Variants in FHDC1 observed in about 807,000 individuals in gnomAD.
FHDC1 encodes the protein FH2 domain containing 1.
Under a neutral mutation model 52.6 loss-of-function variants are expected in FHDC1, and 25 were observed. The ratio of observed to expected loss-of-function variants is 0.48; its 90% CI spans 0.35 to 0.66. FHDC1 has a LOEUF of 0.66. Among genes scored for constraint, FHDC1 ranks in the 30% least tolerant of loss-of-function variants. The pLI, the probability that FHDC1 is intolerant of heterozygous loss-of-function variation, is 0.01. For synonymous variants in FHDC1, 616 were observed against 581.5 expected, an observed-to-expected ratio of 1.06 and a Z score of -0.85; for missense variants, 1,459 against 1,452.8, an observed-to-expected ratio of 1.00 and a Z score of -0.07.
At chr4:152,929,968 G>C in the FHDC1 span, among the ~76,000 whole-genome samples, 2 of 152,112 alleles carry the variant, frequency 1.3e-5, no homozygotes, top group Non-Finnish European at 2.9e-5. The surrounding 1 kb of genome is among the most constrained non-coding windows in gnomAD (Gnocchi z 4.1). Flanking sequence ...TTTTTGTGAA[G>C]CCATTTCCAG....
chr4:152,925,713 C>CTT, the FHDC1 span, among the ~76,000 whole-genome samples: 17 of 143,156 alleles, frequency 1.2e-4, no homozygotes, highest in East Asian at 6.1e-4. Context: ...GTGCATCCTC[C>CTT]TTTTTTTTTT....
At chr4:152,912,479 A>G in the FHDC1 span, 4 of 152,224 alleles carry the variant, frequency 2.6e-5, no homozygotes, top group African/African-American at 9.6e-5. Flanking sequence ...TTATAGTCCT[A>G]GAAGTGAAAA....
At chr4:152,971,225 G>A (rs1343983221) in intron 10 of FHDC1, among the ~76,000 whole-genome samples, 2 of 151,948 alleles carry the variant, frequency 1.3e-5, no homozygotes, top group Non-Finnish European at 2.9e-5. Flanking sequence ...GTGTAGTGGT[G>A]CATAGCTATA....
At position 152,975,165 on chromosome 4, in the gene FHDC1, C is replaced by T. The variant is rs1323874556; in HGVS notation, c.1874C>T (p.Ala625Val). 1.2e-6 allele frequency: 2 copies of T among 1,613,180 alleles called. No homozygotes were observed. The highest frequency in any genetic ancestry group is 2.2e-5 in the East Asian group (1 of 44,888). The change falls in exon 12 of 12, where the codon GCC becomes GTC. Residue 625 changes from alanine to valine, a missense_variant. Physicochemically the swap from Ala to Val is moderately conservative, Grantham distance 64 (BLOSUM62 0). Transcript: ENST00000511601. ...PSAQAHQLAA[A>V]QPENHASAFP... ...GCACAGGCGCACCAGCTTGCAGCCG[C>T]CCAGCCTGAGAACCATGCCTCTGCC...
chr4:152,955,095 T>C (rs1740043709), intron 4 of FHDC1, among the ~76,000 whole-genome samples: 1 of 152,114 alleles, frequency 6.6e-6, no homozygotes, highest in East Asian at 1.9e-4. Context: ...ATAATCCATA[T>C]ACTTTTTTTA....
At chr4:152,949,842 A>G (rs1200188136) in intron 2 of FHDC1, among the ~76,000 whole-genome samples, 1 of 152,152 alleles carries the variant, frequency 6.6e-6, no homozygotes, top group Admixed American at 6.5e-5. Context: ...GAGTGCGTTA[A>G]TTACCTCATT....
chr4:152,939,488 G>C (rs1203486916), intron 1 of FHDC1, among the ~76,000 whole-genome samples: 1 of 152,176 alleles, frequency 6.6e-6, no homozygotes, highest in African/African-American at 2.4e-5. Context: ...ACAGCGGGCT[G>C]TTTAGGCAGG....
Position 152,976,349 on chromosome 4 carries a change from C to G in FHDC1, c.3058C>G (p.Pro1020Ala), listed in dbSNP as rs746290819. ...PESPKEEPKT[P>A]SVPSVPHELP... The stretch of plus-strand genomic sequence containing the variant: ...GAGTCCCAAAGAAGAGCCCAAGACC[C>G]CGTCAGTGCCCAGCGTCCCCCACGA... Residue 1020 changes from proline to alanine, a missense_variant, in exon 12 of 12, where the codon CCG (proline) becomes GCG (alanine). Pro to Ala is a conservative substitution (Grantham distance 27, BLOSUM62 -1). Coordinates refer to ENST00000511601, the MANE Select transcript of FHDC1 (RefSeq NM_001371116.1). 3.7e-6 allele frequency: 6 copies of G among 1,613,810 alleles called. No individual in the cohort carries two copies. The Admixed American group carries it at 8.3e-5, about 22-fold the overall frequency.
the FHDC1 span, among the ~76,000 whole-genome samples, chr4:152,920,770 T>C: frequency 2.0e-5 from 3 of 152,116 alleles, no homozygotes; most frequent in African/African-American, 7.2e-5. Context: ...AATAAAAATC[T>C]CTTGTAATTT....
chr4:152,932,009 T>A (rs1739262763), upstream of FHDC1, among the ~76,000 whole-genome samples: 2 of 151,736 alleles, frequency 1.3e-5, no homozygotes, highest in Non-Finnish European at 2.9e-5. Context: ...TTTCTCCCTT[T>A]TCTCCCTCTT....
At chr4:152,960,985 A>T (rs1740263311) in intron 6 of FHDC1, 141 bp downstream of exon 6, 1 of 561,774 alleles carries the variant, frequency 1.8e-6, no homozygotes, top group Non-Finnish European at 3.0e-6. Flanking sequence ...GTTACTAGGG[A>T]TGCACTTAAG....
At chr4:152,928,308 C>G in the FHDC1 span, 1 of 543,664 alleles carries the variant, frequency 1.8e-6, no homozygotes, top group Non-Finnish European at 3.3e-6. Flanking sequence ...ACTCCTTTGC[C>G]TGCATCCTGT....
chr4:152,969,057 G>A (rs1436983768), intron 10 of FHDC1, among the ~76,000 whole-genome samples: 1 of 150,514 alleles, frequency 6.6e-6, no homozygotes, highest in Non-Finnish European at 1.5e-5. Flanking sequence ...TAATCGCATA[G>A]TCTGACATAC....
At chr4:152,920,853 TA>T in the FHDC1 span, among the ~76,000 whole-genome samples, 6,477 of 147,858 alleles carry the variant, frequency 0.044, 214 homozygotes, top group Middle Eastern at 0.084. Flanking sequence ...AGTGTCTTTT[TA>T]AAAAAAAAAA....
At chr4:152,918,690 C>G in the FHDC1 span, among the ~76,000 whole-genome samples, 10 of 152,194 alleles carry the variant, frequency 6.6e-5, no homozygotes, top group Non-Finnish European at 1.2e-4. Flanking sequence ...CAACACTGAG[C>G]CACGTTGCTC....
At chr4:152,952,205 GA>G (rs1354296043) in intron 2 of FHDC1, among the ~76,000 whole-genome samples, 2 of 152,072 alleles carry the variant, frequency 1.3e-5, no homozygotes, top group African/African-American at 4.8e-5. Flanking sequence ...TTTTCTTTTA[GA>G]AAAAAATTTA....
chr4:152,925,012 A>T, the FHDC1 span, among the ~76,000 whole-genome samples: 1 of 141,962 alleles, frequency 7.0e-6, no homozygotes, highest in Non-Finnish European at 1.6e-5. Context: ...AAGTATAATA[A>T]AAAAAAAGAA....
At chr4:152,972,646 G>A in intron 11 of FHDC1, 105 bp downstream of exon 11, 3 of 1,317,644 alleles carry the variant, frequency 2.3e-6, no homozygotes, top group Non-Finnish European at 3.1e-6. Context: ...CATCTCCACG[G>A]TTTCGGGGAC....
chr4:152,933,782 G>A (rs1739295827), upstream of FHDC1, among the ~76,000 whole-genome samples: 1 of 150,420 alleles, frequency 6.6e-6, no homozygotes, highest in Non-Finnish European at 1.5e-5. Context: ...TTCAGGGGCA[G>A]TACGTCCCAC....
Sources: gnomAD v4.1 joint callset for allele counts (sites outside exome capture counted in the v4.1 genomes callset) on GRCh38, gnomAD v4.1.1 for gene constraint, Gnocchi (gnomAD v3.1) non-coding constraint, MANE v1.5 for transcripts, NCBI Gene and HGNC (gene_info 2026-07-23, HGNC 2026-07-21) for gene names.